Variants in CCDC178 observed in about 807,000 individuals in gnomAD.
The protein encoded by CCDC178 is coiled-coil domain containing 178.
A neutral mutation model predicts 117.4 loss-of-function variants in CCDC178; 126 were observed. The observed-to-expected ratio is 1.07, with a 90% CI of 0.93 to 1.24. CCDC178 has a LOEUF of 1.24. CCDC178 is among the 50% of genes most tolerant of loss of function. CCDC178 has a pLI of 0.00. For missense variants in CCDC178, 1,030 were observed against 986.9 expected, an observed-to-expected ratio of 1.04 and a Z score of -0.59; for synonymous variants, 283 against 313.4, an observed-to-expected ratio of 0.90 and a Z score of 1.02.
At chr18:33,142,881 T>C (rs939832364) in intron 20 of CCDC178, among the ~76,000 whole-genome samples, 6 of 152,202 alleles carry the variant, frequency 3.9e-5, no homozygotes, top group African/African-American at 1.4e-4. Context: ...TATTTTCCCC[T>C]TATCCCCTGA....
chr18:32,983,369 T>C, intron 21 of CCDC178: 2 of 1,422,082 alleles, frequency 1.4e-6, no homozygotes, highest in Non-Finnish European at 1.9e-6. Context: ...ATAGAAATAT[T>C]ACAAATATTA....
chr18:32,996,526 T>C (rs546447129), intron 21 of CCDC178, among the ~76,000 whole-genome samples: 1 of 151,976 alleles, frequency 6.6e-6, no homozygotes, highest in South Asian at 2.1e-4. Flanking sequence ...ATACAGTAAA[T>C]AAAATTTTAT....
chr18:33,358,479 G>A (rs1396812404), intron 6 of CCDC178, among the ~76,000 whole-genome samples: 1 of 151,740 alleles, frequency 6.6e-6, no homozygotes, highest in African/African-American at 2.4e-5. Flanking sequence ...GCCAGAAATA[G>A]GTAAAATCAT....
chr18:33,048,467 C>T (rs1431031086), intron 21 of CCDC178, among the ~76,000 whole-genome samples: 2 of 152,134 alleles, frequency 1.3e-5, no homozygotes, highest in Non-Finnish European at 2.9e-5. Flanking sequence ...GAAATAGAGT[C>T]ATTCTTGAAT....
At chr18:33,179,078 A>AAAATATATATATAT (rs71159804) in intron 20 of CCDC178, among the ~76,000 whole-genome samples, 3 of 55,818 alleles carry the variant, frequency 5.4e-5, no homozygotes, top group African/African-American at 3.4e-4. Context: ...AAAAAAAAAA[A>AAAATATATATATAT]ATATATATAT....
intron 20 of CCDC178, among the ~76,000 whole-genome samples, chr18:33,138,202 A>G (rs2058152906): frequency 6.6e-6 from 1 of 152,234 alleles, no homozygotes; most frequent in Non-Finnish European, 1.5e-5. Flanking sequence ...CTTCTGAGAA[A>G]TACACAGTTG....
intron 14 of CCDC178, among the ~76,000 whole-genome samples, chr18:33,255,443 T>C (rs890611992): frequency 6.6e-6 from 1 of 151,950 alleles, no homozygotes; most frequent in African/African-American, 2.4e-5. Flanking sequence ...TGAAGGAAAA[T>C]AGTGTTCCCA....
chr18:33,105,463 A>G (rs528276370), intron 20 of CCDC178, among the ~76,000 whole-genome samples: 3 of 151,776 alleles, frequency 2.0e-5, no homozygotes, highest in African/African-American at 7.2e-5. Context: ...GTGGGCACAG[A>G]GGTACATTTA....
chr18:33,185,383 G>A (rs1297830166), intron 20 of CCDC178, among the ~76,000 whole-genome samples: 1 of 151,962 alleles, frequency 6.6e-6, no homozygotes, highest in Non-Finnish European at 1.5e-5. Flanking sequence ...GATGAAAGGG[G>A]TAAGAGTACA....
intron 21 of CCDC178, among the ~76,000 whole-genome samples, chr18:33,066,090 T>C: frequency 6.6e-6 from 1 of 152,132 alleles, no homozygotes; most frequent in East Asian, 1.9e-4. Flanking sequence ...CTCGATCTCC[T>C]GACCTCGTGA....
chr18:33,046,816 G>A (rs1019478390), intron 21 of CCDC178, among the ~76,000 whole-genome samples: 1 of 152,150 alleles, frequency 6.6e-6, no homozygotes, highest in African/African-American at 2.4e-5. Flanking sequence ...CAGCCCTACA[G>A]AAGAGGGACC....
chr18:33,186,106 C>T (rs368923466), intron 20 of CCDC178, among the ~76,000 whole-genome samples: 2 of 152,072 alleles, frequency 1.3e-5, no homozygotes, highest in African/African-American at 4.8e-5. Flanking sequence ...AAGTTAGATA[C>T]ATATGATGTA....
At chr18:33,427,695 G>C (rs1209010550) in intron 2 of CCDC178, among the ~76,000 whole-genome samples, 3 of 152,044 alleles carry the variant, frequency 2.0e-5, no homozygotes, top group Non-Finnish European at 4.4e-5. Flanking sequence ...AATCAAATTA[G>C]AACTCACAGA....
intron 3 of CCDC178, among the ~76,000 whole-genome samples, chr18:33,405,089 G>C (rs1053711627): frequency 2.0e-5 from 3 of 151,958 alleles, no homozygotes; most frequent in African/African-American, 7.2e-5. Context: ...CTTTAGAAAG[G>C]TAAATTTTAT....
intron 21 of CCDC178, among the ~76,000 whole-genome samples, chr18:33,043,704 G>C (rs2144901472): frequency 6.6e-6 from 1 of 152,018 alleles, no homozygotes; most frequent in East Asian, 1.9e-4. Flanking sequence ...TTCCAGAAAA[G>C]GGGCCTGAGT....
intron 22 of CCDC178, among the ~76,000 whole-genome samples, chr18:32,970,799 G>C (rs1308816155): frequency 2.6e-5 from 4 of 151,984 alleles, no homozygotes; most frequent in Non-Finnish European, 5.9e-5. Flanking sequence ...AAGGAGCTTA[G>C]AATCTTCCAG....
At chr18:33,401,294 CAG>C (rs2063707079) in intron 3 of CCDC178, among the ~76,000 whole-genome samples, 1 of 152,118 alleles carries the variant, frequency 6.6e-6, no homozygotes, top group Non-Finnish European at 1.5e-5. Flanking sequence ...TTGCTGGAAA[CAG>C]AGTTGCCACA....
intron 7 of CCDC178, among the ~76,000 whole-genome samples, chr18:33,353,172 T>G (rs905813607): frequency 2.0e-5 from 3 of 152,114 alleles, no homozygotes; most frequent in Non-Finnish European, 2.9e-5. Context: ...TTGTCTTCTG[T>G]AACAGGCTTT....
rs770699270 is a variant in CCDC178 at position 33,370,055 on chromosome 18, T to G, written c.343A>C (p.Lys115Gln). 2.5e-6 allele frequency: 4 copies of G among 1,580,486 alleles called. No homozygotes were observed. The African/African-American group carries it at 5.5e-5, about 22-fold the overall frequency. The change falls in exon 6 of 23, where the codon AAA becomes CAA. Residue 115 changes from lysine to glutamine, a missense_variant. Lys to Gln is a moderately conservative substitution (Grantham distance 53, BLOSUM62 1). Transcript: ENST00000383096. ...ATTTTAAATTAGTCTCTTACCCTTTTCAAATGCTCCTGTATTTTGGACTCC... is the reference window on the plus strand; with the variant it reads ...ATTTTAAATTAGTCTCTTACCCTTTGCAAATGCTCCTGTATTTTGGACTCC... Reference protein sequence around the residue: ...DVESKIQEHLKRFETSFEEWS... With the variant: ...DVESKIQEHLQRFETSFEEWS...
Sources: gnomAD v4.1 joint callset for allele counts (sites outside exome capture counted in the v4.1 genomes callset) on GRCh38, gnomAD v4.1.1 for gene constraint, MANE v1.5 for transcripts, NCBI Gene and HGNC (gene_info 2026-07-23, HGNC 2026-07-21) for gene names.